The following EFCAB5 variants were observed in gnomAD, a reference collection of about 807,000 sequenced individuals.
EFCAB5 encodes the protein EF-hand calcium-binding domain-containing protein 5.
A neutral mutation model predicts 167.9 loss-of-function variants in EFCAB5; 131 were observed. That is an observed-to-expected ratio of 0.78 (90% CI 0.68 to 0.90). The LOEUF is 0.90. Among genes scored for constraint, EFCAB5 ranks in the 40% least tolerant of loss-of-function variants. EFCAB5 has a pLI of 0.00. For synonymous variants in EFCAB5, 574 were observed against 602.8 expected, an observed-to-expected ratio of 0.95 and a Z score of 0.70; for missense variants, 1,663 against 1,745.2, an observed-to-expected ratio of 0.95 and a Z score of 0.84.
chr17:30,098,958 A>G (rs1352751584), intron 22 of EFCAB5, among the ~76,000 whole-genome samples: 1 of 152,172 alleles, frequency 6.6e-6, no homozygotes, highest in Non-Finnish European at 1.5e-5. Flanking sequence ...TTCAAGGTCC[A>G]TCTATGTTCT....
chr17:29,996,252 T>TA (rs2068540973), intron 5 of EFCAB5, 60 bp from the exon 6 acceptor site: 2 of 1,368,166 alleles, frequency 1.5e-6, no homozygotes, highest in Admixed American at 4.4e-5. Context: ...AAATAACAAA[T>TA]ATGTGGTAAC....
At chr17:29,981,671 C>T (rs527971179) in intron 4 of EFCAB5, among the ~76,000 whole-genome samples, 2 of 152,254 alleles carry the variant, frequency 1.3e-5, no homozygotes, top group East Asian at 1.9e-4. Context: ...CTATTCCAGT[C>T]TGCCTTAATG....
At chr17:30,072,976 T>C in intron 14 of EFCAB5, 1 of 495,912 alleles carries the variant, frequency 2.0e-6, no homozygotes, top group East Asian at 3.3e-5. Flanking sequence ...GTTTTGATAC[T>C]CATATTGTCC....
At chr17:29,936,535 T>C (rs914154318) in intron 1 of EFCAB5, among the ~76,000 whole-genome samples, 1 of 152,232 alleles carries the variant, frequency 6.6e-6, no homozygotes, top group African/African-American at 2.4e-5. Context: ...GATGTCCCTC[T>C]GGTGCCCCCA....
intron 22 of EFCAB5, among the ~76,000 whole-genome samples, chr17:30,098,314 C>T (rs2071332750): frequency 6.6e-6 from 1 of 151,442 alleles, no homozygotes; most frequent in Admixed American, 6.6e-5. Flanking sequence ...CGCTTGAGCC[C>T]AGGAGTTCAA....
At chr17:30,026,205 T>C (rs1740926932) in intron 7 of EFCAB5, among the ~76,000 whole-genome samples, 1 of 151,734 alleles carries the variant, frequency 6.6e-6, no homozygotes, top group South Asian at 2.1e-4. Flanking sequence ...AAATAAATAA[T>C]CAGAACACTT....
intron 6 of EFCAB5, among the ~76,000 whole-genome samples, chr17:29,997,446 A>AAT (rs373923501): frequency 0.019 from 2,807 of 148,822 alleles, 58 homozygotes; most frequent in African/African-American, 0.053. Context: ...GGGCAAAATG[A>AAT]ATATATATAT....
intron 5 of EFCAB5, among the ~76,000 whole-genome samples, chr17:29,994,133 AATATATATAT>A (rs55875315): frequency 0.1 from 5,829 of 55,862 alleles, 262 homozygotes; most frequent in Non-Finnish European, 0.12. Flanking sequence ...AACAACAACA[AATATATATAT>A]ATATATATAT....
intron 7 of EFCAB5, 102 bp downstream of exon 7, chr17:30,000,078 AC>A (rs2068630233): frequency 1.3e-6 from 1 of 779,840 alleles, no homozygotes; most frequent in East Asian, 2.8e-5. Context: ...AAATGAAAGC[AC>A]AAAACTTATT....
At chr17:29,947,255 T>A (rs771163364) in intron 3 of EFCAB5, among the ~76,000 whole-genome samples, 39 of 151,922 alleles carry the variant, frequency 2.6e-4, no homozygotes, top group Middle Eastern at 3.4e-3. Flanking sequence ...TGAAATGATA[T>A]CTTTTCCAAC....
intron 7 of EFCAB5, among the ~76,000 whole-genome samples, chr17:30,020,567 C>T (rs1182460166): frequency 6.6e-6 from 1 of 151,988 alleles, no homozygotes; most frequent in Admixed American, 6.6e-5. Flanking sequence ...GTTGGCCAGG[C>T]TGGTCTCAAA....
chr17:30,080,483 G>A (rs1021941268), intron 16 of EFCAB5, among the ~76,000 whole-genome samples: 5 of 151,976 alleles, frequency 3.3e-5, no homozygotes, highest in African/African-American at 1.2e-4. Flanking sequence ...AATTATTTCT[G>A]CCTGCTCCAT....
At chr17:30,000,381 A>G (rs2068636227) in intron 7 of EFCAB5, among the ~76,000 whole-genome samples, 1 of 152,216 alleles carries the variant, frequency 6.6e-6, no homozygotes, top group Non-Finnish European at 1.5e-5. Flanking sequence ...CAAGATGCAG[A>G]AAGGTTAAAT....
intron 7 of EFCAB5, among the ~76,000 whole-genome samples, chr17:30,009,906 C>T (rs916688467): frequency 1.3e-5 from 2 of 152,172 alleles, no homozygotes; most frequent in South Asian, 4.1e-4. Context: ...TGGTTTGCTG[C>T]ACCCATTAAC....
At chr17:29,994,835 C>G (rs1239325924) in intron 5 of EFCAB5, among the ~76,000 whole-genome samples, 1 of 152,186 alleles carries the variant, frequency 6.6e-6, no homozygotes, top group African/African-American at 2.4e-5. Flanking sequence ...AAGTTTAAGA[C>G]ACTTGTAAGT....
At chr17:29,963,457 A>G (rs1305906855) in intron 3 of EFCAB5, among the ~76,000 whole-genome samples, 1 of 152,082 alleles carries the variant, frequency 6.6e-6, no homozygotes, top group Non-Finnish European at 1.5e-5. Flanking sequence ...ATTTGTTAAT[A>G]TTTTGTTGAG....
chr17:29,971,615 C>T (rs2067956642), intron 4 of EFCAB5, among the ~76,000 whole-genome samples: 1 of 152,072 alleles, frequency 6.6e-6, no homozygotes, highest in South Asian at 2.1e-4. Context: ...TTTTCAACAC[C>T]TATGAAAGTG....
At chr17:30,054,519 G>A (rs974131815) in intron 10 of EFCAB5, among the ~76,000 whole-genome samples, 18 of 152,040 alleles carry the variant, frequency 1.2e-4, no homozygotes, top group Non-Finnish European at 1.6e-4. Context: ...AATGGGTCTC[G>A]CTTTTTTCAG....
chr17:30,094,731 CT>C (rs749267894), intron 22 of EFCAB5, among the ~76,000 whole-genome samples: 1 of 152,088 alleles, frequency 6.6e-6, no homozygotes, highest in Non-Finnish European at 1.5e-5. Context: ...TGATGAAACT[CT>C]AGGCAGCTGT....
Sources: allele counts gnomAD v4.1 joint callset (sites outside exome capture counted in the v4.1 genomes callset), GRCh38; gene constraint gnomAD v4.1.1; transcripts MANE v1.5; gene names NCBI Gene and HGNC (gene_info 2026-07-23, HGNC 2026-07-21).